The following HUNK variants were observed in gnomAD, a reference collection of about 807,000 sequenced individuals.
The protein encoded by HUNK is hormonally up-regulated Neu-associated kinase, also known as hormonally up-regulated neu tumor-associated kinase.
HUNK carries 21 observed loss-of-function variants against 61.0 expected under a neutral mutation model. That is an observed-to-expected ratio of 0.34 (90% CI 0.24 to 0.50). HUNK has a LOEUF of 0.50. HUNK is among the 20% of genes least tolerant of loss of function. HUNK has a pLI of 0.98. For missense variants in HUNK, 772 were observed against 945.7 expected, an observed-to-expected ratio of 0.82 and a Z score of 2.41; for synonymous variants, 371 against 386.1, an observed-to-expected ratio of 0.96 and a Z score of 0.46.
rs2053177073 is a variant in HUNK, at chr21:31,992,329, T to C, written c.1305+2153T>C. On this transcript the variant is annotated intron_variant, in intron 9 of 10. Transcript: ENST00000270112. ...TCTCCGTCTCCTCCACAGGACAATA[T>C]ACAACATTAAGGATCCTGGGTAAAT... Among the ~76,000 whole-genome samples the C allele has an allele frequency of 1.3e-5, 2 of 152,218 alleles. 1 individual carries two copies. Among genetic ancestry groups the C allele is most frequent in the South Asian group, 4.1e-4 (2 of 4,834 alleles).
At chr21:31,983,340 G>A (rs916257193) in intron 7 of HUNK, among the ~76,000 whole-genome samples, 186 bp from the exon 8 acceptor site, 7 of 152,136 alleles carry the variant, frequency 4.6e-5, no homozygotes, top group African/African-American at 1.2e-4. Context: ...CTGCGCCCAG[G>A]GCTCTCCCCA....
chr21:31,874,475 G>A (rs377137134), intron 1 of HUNK, among the ~76,000 whole-genome samples: 5 of 152,154 alleles, frequency 3.3e-5, no homozygotes, highest in African/African-American at 1.2e-4. Context: ...GCTAGGGAAT[G>A]TTTTTTGGCA....
At chr21:31,904,501 G>A (rs756759892) in intron 1 of HUNK, among the ~76,000 whole-genome samples, 2 of 152,148 alleles carry the variant, frequency 1.3e-5, no homozygotes, top group Admixed American at 1.3e-4. Flanking sequence ...GCTTAAAATC[G>A]TATTTAGAAA....
At chr21:31,899,313 C>T (rs945745927) in intron 1 of HUNK, among the ~76,000 whole-genome samples, 3 of 152,288 alleles carry the variant, frequency 2.0e-5, no homozygotes, top group African/African-American at 7.2e-5. Context: ...TCCCTGAATG[C>T]TGTAGGGGAG....
intron 2 of HUNK, among the ~76,000 whole-genome samples, chr21:31,930,189 C>T (rs923765780): frequency 2.0e-5 from 3 of 152,198 alleles, no homozygotes; most frequent in African/African-American, 7.2e-5. Context: ...GAAAGTGGCG[C>T]TGGGCAAATC....
chr21:31,986,879 A>C (rs1004299846), intron 8 of HUNK, among the ~76,000 whole-genome samples: 1 of 152,038 alleles, frequency 6.6e-6, no homozygotes, highest in African/African-American at 2.4e-5. Context: ...CTATCTGCCT[A>C]CCACGTTCTA....
At chr21:31,932,542 C>T (rs1056239660) in intron 2 of HUNK, among the ~76,000 whole-genome samples, 2 of 152,140 alleles carry the variant, frequency 1.3e-5, no homozygotes, top group Non-Finnish European at 2.9e-5. Flanking sequence ...GAAAGAACTT[C>T]AAACAAAGGG....
intron 9 of HUNK, 88 bp from the exon 10 acceptor site, chr21:31,995,680 C>T: frequency 9.6e-7 from 1 of 1,043,794 alleles, no homozygotes; most frequent in African/African-American, 1.6e-5. Context: ...TGGAGTTTCT[C>T]TAATCAGTTT....
chr21:31,935,034 G>A (rs143050619), intron 2 of HUNK, among the ~76,000 whole-genome samples: 1 of 152,102 alleles, frequency 6.6e-6, no homozygotes, highest in East Asian at 1.9e-4. Flanking sequence ...CTGCCTCTTT[G>A]GATCATTTGT....
At chr21:31,973,091 T>C (rs2053023022) in intron 6 of HUNK, among the ~76,000 whole-genome samples, 1 of 152,214 alleles carries the variant, frequency 6.6e-6, no homozygotes, top group Admixed American at 6.5e-5. Flanking sequence ...TCCAGCCAGA[T>C]AACTTGCCTT....
At chr21:31,908,758 T>C (rs1293765540) in intron 1 of HUNK, among the ~76,000 whole-genome samples, 8 of 152,144 alleles carry the variant, frequency 5.3e-5, no homozygotes. Flanking sequence ...CTCTCTGTTG[T>C]TGCGGAGTTA....
chr21:31,976,827 G>C (rs2053053660), intron 7 of HUNK, among the ~76,000 whole-genome samples: 1 of 150,812 alleles, frequency 6.6e-6, no homozygotes, highest in Non-Finnish European at 1.5e-5. Context: ...CTAGAGTGCA[G>C]TGGCATGATC....
chr21:31,995,288 G>T (rs1250702800), intron 9 of HUNK, among the ~76,000 whole-genome samples: 1 of 152,204 alleles, frequency 6.6e-6, no homozygotes, highest in Non-Finnish European at 1.5e-5. Flanking sequence ...AGGGCTCTCT[G>T]GATTTGTTGT....
intron 1 of HUNK, among the ~76,000 whole-genome samples, chr21:31,916,634 C>T (rs896039372): frequency 6.6e-6 from 1 of 151,708 alleles, no homozygotes; most frequent in African/African-American, 2.4e-5. Context: ...GCAGGGCAAA[C>T]TCTTCCTCCT....
At chr21:31,959,032 C>T (rs539155561) in intron 5 of HUNK, 62 bp downstream of exon 5, 5 of 1,420,170 alleles carry the variant, frequency 3.5e-6, no homozygotes, top group Non-Finnish European at 4.7e-6. Flanking sequence ...TTCGGGTCTA[C>T]CTGTGAAACA....
At position 32,002,265 on chromosome 21, in the gene HUNK, A is replaced by G. The variant is rs577622259; in HGVS notation, c.*3081A>G. On this transcript the variant is annotated 3_prime_UTR_variant, in exon 11 of 11. Coordinates refer to ENST00000270112, the MANE Select transcript of HUNK (RefSeq NM_014586.2). ...ACAATGCCTAGCTAATTTTTTTTGT[A>G]TTTTGTAGAAATGGGGTTTCGCCAT... 6.6e-5 allele frequency: 10 copies of G among 152,014 alleles called. No homozygotes were observed. The highest frequency in any genetic ancestry group is 2.2e-4 in the African/African-American group (9 of 41,442). The allele number at this position is 152,014 out of a possible 1,614,324, so 9.4% of individuals were successfully genotyped here.
intron 2 of HUNK, among the ~76,000 whole-genome samples, chr21:31,931,939 C>T (rs1034937403): frequency 7.2e-5 from 11 of 152,078 alleles, no homozygotes; most frequent in East Asian, 1.9e-4. Flanking sequence ...CACACACGCG[C>T]GCCCACCGCC....
intron 4 of HUNK, among the ~76,000 whole-genome samples, chr21:31,958,339 C>T (rs1185639894): frequency 1.3e-5 from 2 of 151,840 alleles, no homozygotes; most frequent in Non-Finnish European, 2.9e-5. Context: ...ACTCTTGACG[C>T]TCAGGCTGGA....
intron 8 of HUNK, among the ~76,000 whole-genome samples, chr21:31,984,007 AT>A (rs2053115975): frequency 6.6e-6 from 1 of 152,176 alleles, no homozygotes; most frequent in African/African-American, 2.4e-5. Context: ...TGTTTCACTC[AT>A]ATGTGAGTGA....
Sources: allele counts gnomAD v4.1 joint callset (sites outside exome capture counted in the v4.1 genomes callset), GRCh38; gene constraint gnomAD v4.1.1; transcripts MANE v1.5; gene names NCBI Gene and HGNC (gene_info 2026-07-23, HGNC 2026-07-21).